Variants in TRABD2B observed in about 807,000 individuals in gnomAD.
The protein encoded by TRABD2B is metalloprotease TIKI2.
Under a neutral mutation model 40.1 loss-of-function variants are expected in TRABD2B, and 14 were observed. The ratio of observed to expected loss-of-function variants is 0.35; its 90% CI spans 0.23 to 0.55. TRABD2B has a LOEUF of 0.55. TRABD2B is among the 20% of genes least tolerant of loss of function. TRABD2B has a pLI of 0.90. For missense variants in TRABD2B, 541 were observed against 648.6 expected (o/e 0.83, Z 1.80); for synonymous variants, 263 against 277.0 (o/e 0.95, Z 0.50).
Position 47,914,875 on chromosome 1 carries a change from G to C in TRABD2B, c.666+79159C>G, listed in dbSNP as rs539212392. On this transcript the variant is annotated intron_variant, in intron 2 of 6. Coordinates refer to ENST00000606738, the MANE Select transcript of TRABD2B (RefSeq NM_001194986.2). ...GCACTGGCTTTAGGCTGAATGCTGG[G>C]GGGGCAAGGATGAACCAGATAGACA... 1.6e-4 allele frequency among the ~76,000 whole-genome samples: 24 copies of C among 152,230 alleles called. No homozygotes were observed. The South Asian group carries it at 1.9e-3, about 12-fold the overall frequency.
chr1:47,789,799 C>T (rs1644646481), intron 4 of TRABD2B, among the ~76,000 whole-genome samples: 2 of 152,268 alleles, frequency 1.3e-5, no homozygotes, highest in Middle Eastern at 3.4e-3. Context: ...CAACCCTGCA[C>T]CCAAGCTCTG....
In TRABD2B at chr1:47,846,525, T is replaced by C. The variant is rs114242633; in HGVS notation, c.667-44906A>G. Among the ~76,000 whole-genome samples, 679 of 152,248 alleles carry C rather than the reference T, an allele frequency of 4.5e-3. 7 individuals are homozygous for C. Among genetic ancestry groups the C allele is most frequent in the African/African-American group, 0.016 (665 of 41,568 alleles). ...TTCATTTCCTCACCTGTGGAGGGGATTGATTGTGACCCTCACGTCTGAGGT... is the reference window on the plus strand; with the variant it reads ...TTCATTTCCTCACCTGTGGAGGGGACTGATTGTGACCCTCACGTCTGAGGT... On this transcript the variant is annotated intron_variant, in intron 2 of 6. Transcript: ENST00000606738.
intron 2 of TRABD2B, among the ~76,000 whole-genome samples, chr1:47,843,006 G>A (rs545271656): frequency 2.0e-5 from 3 of 152,214 alleles, no homozygotes; most frequent in Admixed American, 1.3e-4. Flanking sequence ...CAGAGGTAGT[G>A]TCATGATGAA....
At chr1:47,938,283 G>A (rs1378259854) in intron 2 of TRABD2B, among the ~76,000 whole-genome samples, 1 of 152,238 alleles carries the variant, frequency 6.6e-6, no homozygotes, top group Non-Finnish European at 1.5e-5. Flanking sequence ...GGAGAGCAGA[G>A]AGGCCAAGCA....
intron 2 of TRABD2B, among the ~76,000 whole-genome samples, chr1:47,810,036 C>G (rs1390176386): frequency 6.6e-6 from 1 of 152,058 alleles, no homozygotes; most frequent in African/African-American, 2.4e-5. Context: ...AGCTTTCATT[C>G]CAGTAGGAGA....
At chr1:47,778,746 G>A (rs1178693254) in intron 4 of TRABD2B, among the ~76,000 whole-genome samples, 2 of 152,198 alleles carry the variant, frequency 1.3e-5, no homozygotes, top group African/African-American at 2.4e-5. Context: ...TCCTGGCTCT[G>A]CCGCTCATTA....
At chr1:47,975,195 T>G (rs1645738542) in intron 2 of TRABD2B, among the ~76,000 whole-genome samples, 2 of 152,224 alleles carry the variant, frequency 1.3e-5, no homozygotes, top group African/African-American at 2.4e-5. Context: ...TTATGACAAA[T>G]GTACCACATT....
At chr1:47,972,603 C>T (rs559617393) in intron 2 of TRABD2B, among the ~76,000 whole-genome samples, 27 of 152,270 alleles carry the variant, frequency 1.8e-4, no homozygotes, top group African/African-American at 6.0e-4. Flanking sequence ...TACCAGAACC[C>T]GAACATGCTG....
intron 4 of TRABD2B, among the ~76,000 whole-genome samples, chr1:47,787,010 C>T (rs954085510): frequency 6.6e-6 from 1 of 152,128 alleles, no homozygotes. Flanking sequence ...TGGCCTGCCT[C>T]TTGTTTCCAA....
rs77857316 is a variant in TRABD2B at position 47,853,650 on chromosome 1, C to T, written c.667-52031G>A. Among the ~76,000 whole-genome samples, 1,367 of 152,256 alleles carry T rather than the reference C, an allele frequency of 9.0e-3. 29 individuals carry two copies. The highest frequency in any genetic ancestry group is 0.031 in the African/African-American group (1,304 of 41,546). ...ATCCTGGGAGAAGTCATCTTTGATTCCTCCCCTACCATCCACTCACCCATC... is the reference window on the plus strand; with the variant it reads ...ATCCTGGGAGAAGTCATCTTTGATTTCTCCCCTACCATCCACTCACCCATC... On this transcript the variant is annotated intron_variant, in intron 2 of 6. Coordinates refer to ENST00000606738, the MANE Select transcript of TRABD2B (RefSeq NM_001194986.2).
intron 2 of TRABD2B, among the ~76,000 whole-genome samples, chr1:47,895,431 C>T (rs974962811): frequency 1.3e-5 from 2 of 152,110 alleles, no homozygotes; most frequent in Non-Finnish European, 2.9e-5. Context: ...AGTGGGTGCC[C>T]TGGGACTGCC....
intron 6 of TRABD2B, among the ~76,000 whole-genome samples, chr1:47,773,559 C>T (rs1644404415): frequency 6.6e-6 from 1 of 152,240 alleles, no homozygotes; most frequent in Non-Finnish European, 1.5e-5. Flanking sequence ...CTCATGAGAT[C>T]TGAAGGTTTT....
chr1:47,889,470 T>G (rs918052209), intron 2 of TRABD2B, among the ~76,000 whole-genome samples: 1 of 152,258 alleles, frequency 6.6e-6, no homozygotes, highest in Non-Finnish European at 1.5e-5. Flanking sequence ...GTCACATTGA[T>G]GACAGATACC....
Position 47,989,922 on chromosome 1 carries a change from T to C in TRABD2B, c.666+4112A>G, listed in dbSNP as rs76837452. 9.0e-3 allele frequency among the ~76,000 whole-genome samples: 1,370 copies of C among 152,316 alleles called. 26 individuals carry two copies. The highest frequency in any genetic ancestry group is 0.031 in the African/African-American group (1,307 of 41,566). On this transcript the variant is annotated intron_variant, in intron 2 of 6. Coordinates refer to ENST00000606738, the MANE Select transcript of TRABD2B (RefSeq NM_001194986.2). ...GCCTGTCTGTGTAATCACAGCCAAA[T>C]GACTTCACCTTTTCAGATCTCAATT...
intron 2 of TRABD2B, among the ~76,000 whole-genome samples, chr1:47,917,541 T>C (rs1644846509): frequency 6.6e-6 from 1 of 151,514 alleles, no homozygotes; most frequent in Non-Finnish European, 1.5e-5. Context: ...GGCAATATAG[T>C]AAGGCCTTGT....
At chr1:47,968,828 T>C (rs1352806227) in intron 2 of TRABD2B, among the ~76,000 whole-genome samples, 7 of 152,258 alleles carry the variant, frequency 4.6e-5, no homozygotes, top group Non-Finnish European at 1.0e-4. Context: ...CTCACTAGAA[T>C]GGAAGCTGCC....
chr1:47,903,418 CAT>C (rs1644630053), intron 2 of TRABD2B, among the ~76,000 whole-genome samples: 1 of 145,412 alleles, frequency 6.9e-6, no homozygotes, highest in Non-Finnish European at 1.5e-5. Flanking sequence ...CTCGCTGTGA[CAT>C]AGTGCATAAG....
chr1:47,812,637 T>C (rs1644980809), intron 2 of TRABD2B, among the ~76,000 whole-genome samples: 1 of 152,176 alleles, frequency 6.6e-6, no homozygotes, highest in Admixed American at 6.5e-5. Context: ...GAGGATTGCC[T>C]GAGGCCAGGA....
chr1:47,877,478 G>T (rs1172601848), intron 2 of TRABD2B, among the ~76,000 whole-genome samples: 2 of 152,172 alleles, frequency 1.3e-5, no homozygotes, highest in African/African-American at 4.8e-5. Context: ...TTGAATAAAT[G>T]ATGGTACCCG....
Sources: gnomAD v4.1 joint callset for allele counts (sites outside exome capture counted in the v4.1 genomes callset) on GRCh38, gnomAD v4.1.1 for gene constraint, MANE v1.5 for transcripts, NCBI Gene and HGNC (gene_info 2026-07-23, HGNC 2026-07-21) for gene names.